The following KLHL29 variants were observed in gnomAD, a reference collection of about 807,000 sequenced individuals.
The protein encoded by KLHL29 is kelch-like protein 29.
Under a neutral mutation model 80.4 loss-of-function variants are expected in KLHL29, and 21 were observed. The observed-to-expected ratio is 0.26, with a 90% CI of 0.19 to 0.38. The LOEUF is 0.38. Among genes scored for constraint, KLHL29 ranks in the 10% least tolerant of loss-of-function variants. The pLI is 1.00. For synonymous variants in KLHL29, 511 were observed against 526.8 expected (o/e 0.97, Z 0.41); for missense variants, 867 against 1,223.9 (o/e 0.71, Z 4.35).
chr2:23,500,503 G>A (rs1303416884), intron 2 of KLHL29, among the ~76,000 whole-genome samples: 2 of 152,158 alleles, frequency 1.3e-5, no homozygotes, highest in Non-Finnish European at 2.9e-5. Context: ...CCCTTGATAT[G>A]TAGAGACACC....
At chr2:23,679,884 G>A (rs545762331) in intron 5 of KLHL29, among the ~76,000 whole-genome samples, 1 of 152,274 alleles carries the variant, frequency 6.6e-6, no homozygotes, top group Non-Finnish European at 1.5e-5. Context: ...ATGGAGGAAG[G>A]GGAGGGAAGA....
At chr2:23,447,085 G>A (rs991756879) in intron 1 of KLHL29, among the ~76,000 whole-genome samples, 4 of 152,182 alleles carry the variant, frequency 2.6e-5, no homozygotes, top group Admixed American at 6.5e-5. Context: ...GTTCAGACAC[G>A]TGTGTTAGAT....
At chr2:23,520,035 A>G (rs1457745276) in intron 2 of KLHL29, among the ~76,000 whole-genome samples, 1 of 152,080 alleles carries the variant, frequency 6.6e-6, no homozygotes, top group Admixed American at 6.5e-5. Flanking sequence ...TTCCTTAGAG[A>G]TTTTGGAGGC....
intron 5 of KLHL29, among the ~76,000 whole-genome samples, chr2:23,665,727 G>A (rs1356060509): frequency 1.3e-5 from 2 of 152,196 alleles, no homozygotes; most frequent in Non-Finnish European, 1.5e-5. Flanking sequence ...ACAGAAGAGA[G>A]AGGGAAGGGG....
intron 3 of KLHL29, among the ~76,000 whole-genome samples, chr2:23,634,042 A>AC (rs1275687410): frequency 1.3e-5 from 2 of 151,554 alleles, no homozygotes; most frequent in Non-Finnish European, 2.9e-5. Context: ...AGCCTGTGTG[A>AC]CCCCCACGGC....
At chr2:23,496,846 TCACA>T (rs1665280155) in intron 2 of KLHL29, among the ~76,000 whole-genome samples, 1 of 152,198 alleles carries the variant, frequency 6.6e-6, no homozygotes, top group Non-Finnish European at 1.5e-5. Flanking sequence ...TGAGAGTCTC[TCACA>T]TACCTGGAAG....
chr2:23,686,421 C>T (rs1407712634), intron 6 of KLHL29, among the ~76,000 whole-genome samples: 1 of 152,100 alleles, frequency 6.6e-6, no homozygotes, highest in Non-Finnish European at 1.5e-5. Flanking sequence ...AGACTGGTCA[C>T]GTCCTCTCCT....
chr2:23,602,178 G>C (rs1031447325), intron 3 of KLHL29, among the ~76,000 whole-genome samples: 4 of 152,148 alleles, frequency 2.6e-5, no homozygotes, highest in African/African-American at 9.7e-5. Context: ...CAGAGTGTAG[G>C]GCCTTTTCAT....
chr2:23,437,739 A>G (rs1663383993), intron 1 of KLHL29, among the ~76,000 whole-genome samples: 1 of 152,224 alleles, frequency 6.6e-6, no homozygotes, highest in Admixed American at 6.5e-5. Flanking sequence ...TAAGTCAGGT[A>G]GCATGATGTC....
rs1394053715 is a variant in KLHL29 at position 23,596,203 on chromosome 2, T to G, written c.285+33722T>G. ...GGGGCGGGGCAGGGCAACAGCCTTG[T>G]ACCCTGCTGCCATCTGCTTTGACCC... On this transcript the variant is annotated intron_variant, in intron 3 of 13. Coordinates refer to ENST00000486442, the MANE Select transcript of KLHL29 (RefSeq NM_052920.2). The surrounding 1 kb of genome is among the most constrained non-coding windows in gnomAD (Gnocchi z 4.4). Among the ~76,000 whole-genome samples, 1 of 152,226 alleles carries G rather than the reference T, an allele frequency of 6.6e-6. No individual in the cohort carries two copies. Among genetic ancestry groups the G allele is most frequent in the Non-Finnish European group, 1.5e-5 (1 of 68,024 alleles).
chr2:23,640,055 C>A (rs748774453), intron 4 of KLHL29, among the ~76,000 whole-genome samples: 2 of 152,194 alleles, frequency 1.3e-5, no homozygotes, highest in Admixed American at 6.5e-5. Context: ...CTAGTAGCCA[C>A]GTCACATGCT....
chr2:23,392,065 GGAA>G (rs904473251), intron 1 of KLHL29, among the ~76,000 whole-genome samples: 8 of 152,302 alleles, frequency 5.3e-5, no homozygotes, highest in African/African-American at 1.4e-4. Flanking sequence ...TTATGAAATT[GGAA>G]GAAGCAGTAG....
At chr2:23,659,947 C>T (rs893099531) in intron 5 of KLHL29, among the ~76,000 whole-genome samples, 6 of 152,042 alleles carry the variant, frequency 3.9e-5, no homozygotes, top group Non-Finnish European at 7.4e-5. Flanking sequence ...CAGGGGTCCT[C>T]CTTTCTCACT....
At chr2:23,533,205 G>T (rs1666554983) in intron 2 of KLHL29, among the ~76,000 whole-genome samples, 1 of 152,192 alleles carries the variant, frequency 6.6e-6, no homozygotes. Flanking sequence ...CCATGCGTAT[G>T]TGTGAGTGTG....
At chr2:23,564,999 G>A (rs1054302981) in intron 3 of KLHL29, among the ~76,000 whole-genome samples, 2 of 152,188 alleles carry the variant, frequency 1.3e-5, no homozygotes, top group Non-Finnish European at 2.9e-5. Flanking sequence ...AACCTCTCTG[G>A]GCGTCACTTC....
At chr2:23,548,395 A>G (rs1572393494) in intron 2 of KLHL29, among the ~76,000 whole-genome samples, 1 of 151,966 alleles carries the variant, frequency 6.6e-6, no homozygotes, top group South Asian at 2.1e-4. Flanking sequence ...ACACACATGC[A>G]CGCACCCTCT....
At chr2:23,502,043 C>T (rs1653762) in intron 2 of KLHL29, among the ~76,000 whole-genome samples, 59,491 of 152,022 alleles carry the variant, frequency 0.39, 12,102 homozygotes, top group Non-Finnish European at 0.43. Context: ...CTGGGCCCAT[C>T]GGGTGCTGTT....
At chr2:23,434,188 G>A (rs974690315) in intron 1 of KLHL29, among the ~76,000 whole-genome samples, 1 of 152,022 alleles carries the variant, frequency 6.6e-6, no homozygotes, top group Non-Finnish European at 1.5e-5. Flanking sequence ...GGGCGTGTTG[G>A]CGGGCGCCTG....
At chr2:23,553,252 G>T (rs1266565799) in intron 2 of KLHL29, among the ~76,000 whole-genome samples, 2 of 152,266 alleles carry the variant, frequency 1.3e-5, no homozygotes, top group African/African-American at 4.8e-5. Flanking sequence ...AGTGGGGCCT[G>T]ATGGCGAGGT....
Sources: gnomAD v4.1 joint callset for allele counts (sites outside exome capture counted in the v4.1 genomes callset) on GRCh38, gnomAD v4.1.1 for gene constraint, Gnocchi (gnomAD v3.1) non-coding constraint, MANE v1.5 for transcripts, NCBI Gene and HGNC (gene_info 2026-07-23, HGNC 2026-07-21) for gene names.